Variants in POFUT2 observed in about 807,000 individuals in gnomAD.
The protein encoded by POFUT2 is GDP-fucose protein O-fucosyltransferase 2.
A neutral mutation model predicts 55.0 loss-of-function variants in POFUT2; 30 were observed. The ratio of observed to expected loss-of-function variants is 0.55; its 90% CI spans 0.41 to 0.74. The LOEUF is 0.74. POFUT2 is among the 30% of genes least tolerant of loss of function. The probability of loss-of-function intolerance (pLI) is 0.00; values close to 1 mark genes in which losing one functional copy is unlikely to be tolerated. For missense variants in POFUT2, 524 were observed against 562.6 expected (o/e 0.93, Z 0.69); for synonymous variants, 267 against 231.1 (o/e 1.16, Z -1.41).
chr21:45,276,453 C>CA (rs1472721470), intron 6 of POFUT2, among the ~76,000 whole-genome samples: 17 of 152,124 alleles, frequency 1.1e-4, no homozygotes, highest in African/African-American at 3.1e-4. Context: ...ACGCTAAAAA[C>CA]AGACACTGAA....
intron 6 of POFUT2, among the ~76,000 whole-genome samples, chr21:45,271,328 T>G (rs142958988): frequency 7.2e-4 from 109 of 152,214 alleles, no homozygotes; most frequent in African/African-American, 2.5e-3. Context: ...GGTTTTCAAA[T>G]TAGCCCAATC....
chr21:45,269,764 G>C, intron 7 of POFUT2, 75 bp downstream of exon 7: 1 of 1,413,670 alleles, frequency 7.1e-7, no homozygotes, highest in Non-Finnish European at 9.7e-7. Flanking sequence ...CCGTCTGTGA[G>C]AAACACCCAA....
At chr21:45,283,265 G>A (rs2030934038) in intron 3 of POFUT2, 118 bp downstream of exon 3, 3 of 480,156 alleles carry the variant, frequency 6.2e-6, no homozygotes, top group East Asian at 7.8e-5. Flanking sequence ...GGGGCGGGGG[G>A]CACCCACGGT....
At position 45,267,017 on chromosome 21, in the gene POFUT2, T is replaced by C; in HGVS notation, c.1136+573A>G. ...ACGCAGGGCCCACGCTCCCGGCCTC[T>C]GGGACGCTCACGGCAGCCCCACGAG... On this transcript the variant is annotated intron_variant, in intron 8 of 8. Transcript: ENST00000349485. The surrounding 1 kb of genome is among the most constrained non-coding windows in gnomAD (Gnocchi z 4.4). 1 of 1,038,484 alleles carries C rather than the reference T, an allele frequency of 9.6e-7. No individual in the cohort carries two copies. The highest frequency in any genetic ancestry group is 1.2e-6 in the Non-Finnish European group (1 of 864,924). 64.3% of individuals were successfully genotyped at this position (1,038,484 alleles called of 1,614,324 possible).
Position 45,277,427 on chromosome 21 carries a change from G to T in POFUT2, c.706-285C>A. On this transcript the variant is annotated intron_variant, in intron 5 of 8. Coordinates refer to ENST00000349485, the MANE Select transcript of POFUT2 (RefSeq NM_133635.6). This position sits in a 1 kb window ranked among gnomAD's most constrained non-coding sequence, Gnocchi z 6.9. The stretch of plus-strand genomic sequence containing the variant: ...TGGGCTCAGCTGGCCGTTGCCCCTG[G>T]CTGGCACAACTGTGTGCAGCTCCTT... The T allele has an allele frequency of 2.3e-6, 1 of 438,670 alleles. No homozygotes were observed. Among genetic ancestry groups the T allele is most frequent in the Non-Finnish European group, 4.2e-6 (1 of 236,258 alleles). 27.2% of individuals were successfully genotyped at this position (438,670 alleles called of 1,614,324 possible). A position where few individuals can be genotyped will look rare whatever the true frequency, so the allele number is the denominator to read the frequency against.
chr21:45,278,041 C>T (rs1445709493), intron 5 of POFUT2, 62 bp downstream of exon 5: 3 of 1,299,046 alleles, frequency 2.3e-6, no homozygotes, highest in African/African-American at 1.5e-5. Flanking sequence ...TTTAAATTTT[C>T]AAAAGCTAAA....
Position 45,282,292 on chromosome 21 carries a change from T to A in POFUT2, c.638+57A>T. The A allele has an allele frequency of 9.0e-7, 1 of 1,114,296 alleles. No individual in the cohort carries two copies. The highest frequency in any genetic ancestry group is 1.5e-5 in the African/African-American group (1 of 65,196). The allele number at this position is 1,114,296 out of a possible 1,614,324, so 69.0% of individuals were successfully genotyped here. On this transcript the variant is annotated intron_variant, in intron 4 of 8. Coordinates refer to ENST00000349485, the MANE Select transcript of POFUT2 (RefSeq NM_133635.6). The surrounding 1 kb of genome is among the most constrained non-coding windows in gnomAD (Gnocchi z 4.6). ...TGGGCGGAGAGCCCCCAGCCCAGCATGCACGGAGCAGACGCCACAGCCTCC... is the reference window on the plus strand; with the variant it reads ...TGGGCGGAGAGCCCCCAGCCCAGCAAGCACGGAGCAGACGCCACAGCCTCC...
rs148250784 is a variant in POFUT2, at chr21:45,285,700, G to T, written c.360C>A (p.Ile120=). 3 of 1,613,644 alleles carry T rather than the reference G, an allele frequency of 1.9e-6. No homozygotes were observed. Among genetic ancestry groups the T allele is most frequent in the African/African-American group, 2.7e-5 (2 of 74,902 alleles). ...LPSLNKNIPV[I]EYEQFIAESG... is the part of the protein sequence containing the mutation. ...CACCTGCGATGAACTGCTCATACTC[G>T]ATGACGGGGATGTTTTTATTGAGAC... Residue 120 remains isoleucine (I), a synonymous_variant, in exon 2 of 9, where the codon ATC becomes ATA. Coordinates refer to ENST00000349485, the MANE Select transcript of POFUT2 (RefSeq NM_133635.6). The surrounding 1 kb of genome is among the most constrained non-coding windows in gnomAD (Gnocchi z 4.9).
At chr21:45,287,662 C>A in intron 1 of POFUT2, 79 bp downstream of exon 1, 21 of 655,382 alleles carry the variant, frequency 3.2e-5, no homozygotes, top group Non-Finnish European at 4.4e-5. Context: ...TGGCCCCTGA[C>A]CCCGCCCCGC....
chr21:45,285,848 T>C lies in POFUT2; in HGVS notation c.212A>G (p.Lys71Arg), dbSNP rs745451131. Residue 71 changes from lysine to arginine, a missense_variant, in exon 2 of 9, where the codon AAG becomes AGG. Transcript: ENST00000349485. The surrounding 1 kb of genome is among the most constrained non-coding windows in gnomAD (Gnocchi z 4.9). The stretch of plus-strand genomic sequence containing the variant: ...CCACTCCTCCGTCTTCAGCAGAGTC[T>C]TCAGGAGAGAGGCGATTCGGATATA... ...DVYIRIASLL[K>R]TLLKTEEWVL... 1 of 1,613,438 alleles carries C rather than the reference T, an allele frequency of 6.2e-7. No individual in the cohort carries two copies. The highest frequency in any genetic ancestry group is 8.5e-7 in the Non-Finnish European group (1 of 1,179,958).
At position 45,265,201 on chromosome 21, in the gene POFUT2, C is replaced by T. The variant is rs560386323; in HGVS notation, c.*281G>A. On this transcript the variant is annotated 3_prime_UTR_variant, in exon 9 of 9. Transcript: ENST00000349485. This position sits in a 1 kb window ranked among gnomAD's most constrained non-coding sequence, Gnocchi z 4.6. ...AAACACTCCTGCTTCTGGGTCACCA[C>T]GCGGGCACTGCTGGCAACCGAGCTG... The T allele has an allele frequency of 5.5e-5, 18 of 329,962 alleles. No homozygotes were observed. The highest frequency in any genetic ancestry group is 8.1e-4 in the Middle Eastern group (1 of 1,236). 20.4% of individuals were successfully genotyped at this position (329,962 alleles called of 1,614,324 possible). A position where few individuals can be genotyped will look rare whatever the true frequency, so the allele number is the denominator to read the frequency against.
At chr21:45,271,392 T>A (rs1057488323) in intron 6 of POFUT2, among the ~76,000 whole-genome samples, 1 of 152,040 alleles carries the variant, frequency 6.6e-6, no homozygotes, top group African/African-American at 2.4e-5. Context: ...TCCAAGAAAT[T>A]TGGAATTATG....
Position 45,267,721 on chromosome 21 carries a change from G to A in POFUT2, c.1013-8C>T, listed in dbSNP as rs113088984. The A allele has an allele frequency of 8.6e-5, 139 of 1,612,926 alleles. No homozygotes were observed. Among genetic ancestry groups the A allele is most frequent in the African/African-American group, 3.5e-4 (26 of 74,876 alleles). On this transcript the variant is annotated splice_polypyrimidine_tract_variant and splice_region_variant and intron_variant, in intron 7 of 8. Coordinates refer to ENST00000349485, the MANE Select transcript of POFUT2 (RefSeq NM_133635.6). This position sits in a 1 kb window ranked among gnomAD's most constrained non-coding sequence, Gnocchi z 4.4. ...TTTTTAGCTCTTCATATTCTGCAAAGTAGAAGGAGAGACCCTTTGAACCGG... is the reference window on the plus strand; with the variant it reads ...TTTTTAGCTCTTCATATTCTGCAAAATAGAAGGAGAGACCCTTTGAACCGG...
rs1015053417 is a variant in POFUT2, at chr21:45,277,964, G to A, written c.705+139C>T. On this transcript the variant is annotated intron_variant, in intron 5 of 8. Coordinates refer to ENST00000349485, the MANE Select transcript of POFUT2 (RefSeq NM_133635.6). The surrounding 1 kb of genome is among the most constrained non-coding windows in gnomAD (Gnocchi z 6.9). Reference sequence around the variant, plus strand: ...GCTTGGGGGTGGCACAGTCACCGCAGTTGCCCAAATCCATGGCTTAAAATG... The same window carrying A: ...GCTTGGGGGTGGCACAGTCACCGCAATTGCCCAAATCCATGGCTTAAAATG... 1.2e-6 allele frequency: 1 copy of A among 806,262 alleles called. No homozygotes were observed. The allele number at this position is 806,262 out of a possible 1,614,324, so 49.9% of individuals were successfully genotyped here.
intron 4 of POFUT2, among the ~76,000 whole-genome samples, chr21:45,279,352 G>A (rs989620337): frequency 7.2e-5 from 11 of 151,994 alleles, no homozygotes; most frequent in African/African-American, 2.7e-4. Flanking sequence ...CCGAGATCGC[G>A]CCACTGCACT....
rs1351407202 is a variant in POFUT2 at position 45,284,715 on chromosome 21, G to A, written c.382+963C>T. Among the ~76,000 whole-genome samples, 4 of 152,174 alleles carry A rather than the reference G, an allele frequency of 2.6e-5. No homozygotes were observed. Among genetic ancestry groups the A allele is most frequent in the South Asian group, 2.1e-4 (1 of 4,832 alleles). On this transcript the variant is annotated intron_variant, in intron 2 of 8. Transcript: ENST00000349485. The surrounding 1 kb of genome is among the most constrained non-coding windows in gnomAD (Gnocchi z 5.8). ...GTTCCTATAACCCAATGTTCAGACC[G>A]AGGGCTGGCTGCTAGTTAGACCCAA...
At position 45,278,107 on chromosome 21, in the gene POFUT2, CAG is replaced by C. The variant is rs2030029617; in HGVS notation, c.699_700del (p.Tyr233Ter). The C allele has an allele frequency of 1.2e-6, 2 of 1,612,452 alleles. No homozygotes were observed. The highest frequency in any genetic ancestry group is 3.3e-5 in the Admixed American group (2 of 60,012). On this transcript the variant is annotated stop_gained and frameshift_variant, in exon 5 of 9. Coordinates refer to ENST00000349485, the MANE Select transcript of POFUT2 (RefSeq NM_133635.6). LOFTEE classifies it high-confidence loss of function. ...CGCTCCCGAGGAAACACTCACATCC[CAG>C]TATTCTTTCCCTCCATAGTGGTCGT...
At chr21:45,275,802 G>C (rs2093257805) in intron 6 of POFUT2, among the ~76,000 whole-genome samples, 1 of 152,152 alleles carries the variant, frequency 6.6e-6, no homozygotes, top group Non-Finnish European at 1.5e-5. Flanking sequence ...CACTGCTCGG[G>C]TGATGGGTGT....
At position 45,269,978 on chromosome 21, in the gene POFUT2, G is replaced by T; in HGVS notation, c.873C>A (p.Val291=). ...GSALGGPYLG[V]HLRRKDFIWG... is the part of the protein sequence containing the mutation. ...AGATGAAATCTTTTCTTCTCAGGTG[G>T]ACTCCCAGGTAGGGGCCCCCTAGCG... The change falls in exon 7 of 9, where the codon GTC becomes GTA. Residue 291 remains valine, a synonymous_variant. Transcript: ENST00000349485. 2 of 1,583,584 alleles carry T rather than the reference G, an allele frequency of 1.3e-6. No individual in the cohort carries two copies. Among genetic ancestry groups the T allele is most frequent in the Non-Finnish European group, 1.7e-6 (2 of 1,169,708 alleles).
Sources: gnomAD v4.1 joint callset for allele counts (sites outside exome capture counted in the v4.1 genomes callset) on GRCh38, gnomAD v4.1.1 for gene constraint, Gnocchi (gnomAD v3.1) non-coding constraint, MANE v1.5 for transcripts, NCBI Gene and HGNC (gene_info 2026-07-23, HGNC 2026-07-21) for gene names.